XXYLT1: variants seen among roughly 807,000 people sequenced by gnomAD.
XXYLT1 encodes xyloside xylosyltransferase 1, also known as UDP-xylose:alpha-xyloside alpha-1,3-xylosyltransferase.
In XXYLT1, 20 loss-of-function variants were observed where a neutral mutation model predicts 28.9. The ratio of observed to expected loss-of-function variants is 0.69; its 90% confidence interval spans 0.49 to 1.00. XXYLT1 has a LOEUF of 1.00. Among genes scored for constraint, XXYLT1 ranks in the 50% least tolerant of loss-of-function variants. XXYLT1 has a pLI of 0.00. For missense variants in XXYLT1, 542 were observed against 560.1 expected, an observed-to-expected ratio of 0.97 and a Z score of 0.33; for synonymous variants, 257 against 253.8, an observed-to-expected ratio of 1.01 and a Z score of -0.12.
intron 3 of XXYLT1, among the ~76,000 whole-genome samples, chr3:195,113,285 A>G (rs1717879065): frequency 6.6e-6 from 1 of 152,194 alleles, no homozygotes; most frequent in African/African-American, 2.4e-5. Flanking sequence ...AGCTCGGAAA[A>G]ACGCCAGTTT....
At chr3:195,140,408 G>T (rs1003128186) in intron 3 of XXYLT1, among the ~76,000 whole-genome samples, 1 of 152,222 alleles carries the variant, frequency 6.6e-6, no homozygotes, top group Non-Finnish European at 1.5e-5. Flanking sequence ...GTTATGGACA[G>T]CATGTATGGC....
At chr3:195,263,566 G>T (rs1379272873) in intron 1 of XXYLT1, among the ~76,000 whole-genome samples, 1 of 152,124 alleles carries the variant, frequency 6.6e-6, no homozygotes, top group East Asian at 1.9e-4. Context: ...GCATGCCTCT[G>T]CTTCCCTCCC....
At chr3:195,211,285 T>G (rs113064248) in intron 2 of XXYLT1, among the ~76,000 whole-genome samples, 2,169 of 152,086 alleles carry the variant, frequency 0.014, 49 homozygotes, top group African/African-American at 0.05. Context: ...TCCCAGCTAC[T>G]TGGGAGGCTG....
Position 195,069,868 on chromosome 3 carries a change from C to T in XXYLT1, c.1029G>A (p.Lys343=). The change falls in exon 4 of 4, where the codon AAG becomes AAA. Residue 343 remains lysine (K), a synonymous_variant. Coordinates refer to ENST00000310380, the MANE Select transcript of XXYLT1 (RefSeq NM_152531.5). ...FFTMIGMEHP[K]LFHVLDCTWN... ...AGGTACAGTCCAGCACATGGAAGAG[C>T]TTGGGGTGCTCCATGCCGATCATGG... The T allele has an allele frequency of 1.9e-6, 3 of 1,614,156 alleles. No individual in the cohort carries two copies. The highest frequency in any genetic ancestry group is 1.7e-6 in the Non-Finnish European group (2 of 1,180,030).
At chr3:195,126,204 T>C (rs4266129) in intron 3 of XXYLT1, among the ~76,000 whole-genome samples, 57,307 of 152,124 alleles carry the variant, frequency 0.38, 12,423 homozygotes, top group East Asian at 0.82. Flanking sequence ...CACTCAGTGC[T>C]GCGTGAGGCA....
chr3:195,108,741 A>G (rs1007825668), intron 3 of XXYLT1, among the ~76,000 whole-genome samples: 2 of 152,220 alleles, frequency 1.3e-5, no homozygotes, highest in African/African-American at 4.8e-5. Context: ...ATATCCAAAC[A>G]TAGAAAAGGT....
At chr3:195,147,711 C>T (rs1057495952) in intron 3 of XXYLT1, among the ~76,000 whole-genome samples, 6 of 152,172 alleles carry the variant, frequency 3.9e-5, no homozygotes, top group African/African-American at 1.4e-4. Flanking sequence ...GGAGGAAACG[C>T]CCTCTGACTA....
At chr3:195,207,154 T>C (rs965706843) in intron 2 of XXYLT1, among the ~76,000 whole-genome samples, 1 of 152,192 alleles carries the variant, frequency 6.6e-6, no homozygotes, top group Non-Finnish European at 1.5e-5. Context: ...GACTGTGGGA[T>C]GGCTCGCGGG....
chr3:195,270,242 A>C (rs1426581293), intron 1 of XXYLT1: 3 of 568,648 alleles, frequency 5.3e-6, no homozygotes, highest in South Asian at 3.7e-5. Context: ...CTCTGAAGGC[A>C]GTGCTGAACC....
At chr3:195,262,605 C>A (rs976964483) in intron 1 of XXYLT1, among the ~76,000 whole-genome samples, 2 of 152,156 alleles carry the variant, frequency 1.3e-5, no homozygotes, top group Non-Finnish European at 2.9e-5. Context: ...AGCAGTTAAT[C>A]CGTGCATTGA....
intron 2 of XXYLT1, among the ~76,000 whole-genome samples, chr3:195,163,054 C>T (rs1464872266): frequency 6.6e-6 from 1 of 152,118 alleles, no homozygotes; most frequent in African/African-American, 2.4e-5. Flanking sequence ...CACATCTGGA[C>T]TCTGTTCACA....
chr3:195,266,278 G>A (rs1193301337), intron 1 of XXYLT1, among the ~76,000 whole-genome samples: 1 of 152,086 alleles, frequency 6.6e-6, no homozygotes, highest in Non-Finnish European at 1.5e-5. Flanking sequence ...GGTGGATCAC[G>A]AGGTCAAGAG....
intron 2 of XXYLT1, among the ~76,000 whole-genome samples, chr3:195,203,697 G>GT (rs151204963): frequency 0.095 from 14,483 of 152,224 alleles, 2,276 homozygotes; most frequent in African/African-American, 0.33. Context: ...TCCGCCCAGT[G>GT]TTTTTGCCAT....
intron 3 of XXYLT1, among the ~76,000 whole-genome samples, chr3:195,109,152 T>C (rs1482980757): frequency 6.6e-6 from 1 of 151,654 alleles, no homozygotes; most frequent in Non-Finnish European, 1.5e-5. Context: ...CTCCAGATAC[T>C]CTCTCTTCGT....
Position 195,182,182 on chromosome 3 carries a change from C to A in XXYLT1, c.653-25601G>T, listed in dbSNP as rs1193014949. Among the ~76,000 whole-genome samples, 3 of 152,320 alleles carry A rather than the reference C, an allele frequency of 2.0e-5. No individual in the cohort carries two copies. In the East Asian group the frequency reaches 5.8e-4, roughly 29 times the overall value. Reference sequence around the variant, plus strand: ...TCATTTAACCCCTCTGTGCTGGATTCTCTCGCCTTTAAGATGGGAAACTAC... The same window carrying A: ...TCATTTAACCCCTCTGTGCTGGATTATCTCGCCTTTAAGATGGGAAACTAC... On this transcript the variant is annotated intron_variant, in intron 2 of 3. Coordinates refer to ENST00000310380, the MANE Select transcript of XXYLT1 (RefSeq NM_152531.5).
At chr3:195,090,698 G>C (rs1227277729) in intron 3 of XXYLT1, among the ~76,000 whole-genome samples, 3 of 146,706 alleles carry the variant, frequency 2.0e-5, no homozygotes, top group Non-Finnish European at 3.0e-5. Context: ...GAAGGAAATA[G>C]AGACACAAAA....
chr3:195,241,690 A>G (rs1724782597), intron 1 of XXYLT1, among the ~76,000 whole-genome samples: 1 of 152,038 alleles, frequency 6.6e-6, no homozygotes, highest in Non-Finnish European at 1.5e-5. Flanking sequence ...CCTCCCCCAG[A>G]ACCTTCTGCC....
At chr3:195,125,787 C>T (rs572828962) in intron 3 of XXYLT1, among the ~76,000 whole-genome samples, 86 of 152,334 alleles carry the variant, frequency 5.6e-4, no homozygotes, top group South Asian at 1.9e-3. Context: ...GCCCTGCTGG[C>T]GCCAACCTGG....
intron 2 of XXYLT1, among the ~76,000 whole-genome samples, chr3:195,159,182 T>C (rs1720748623): frequency 6.6e-6 from 1 of 152,196 alleles, no homozygotes. Flanking sequence ...CTCACAAGAA[T>C]GGCCAGCACC....
Sources: allele counts gnomAD v4.1 joint callset (sites outside exome capture counted in the v4.1 genomes callset), GRCh38; gene constraint gnomAD v4.1.1; transcripts MANE v1.5; gene names NCBI Gene and HGNC (gene_info 2026-07-23, HGNC 2026-07-21).